NCAPG2: variants seen among roughly 807,000 people sequenced by gnomAD.
The protein encoded by NCAPG2 is non-SMC condensin II complex subunit G2.
A neutral mutation model predicts 141.1 loss-of-function variants in NCAPG2; 53 were observed. That is an observed-to-expected ratio of 0.38 (90% CI 0.30 to 0.47). The LOEUF is 0.47. Ranked by LOEUF, NCAPG2 falls within the 20% of genes least tolerant of loss-of-function variation. The pLI, the probability that NCAPG2 is intolerant of heterozygous loss-of-function variation, is 0.99. For missense variants in NCAPG2, 1,087 were observed against 1,389.0 expected (o/e 0.78, Z 3.46); for synonymous variants, 499 against 490.7 (o/e 1.02, Z -0.22).
intron 24 of NCAPG2, among the ~76,000 whole-genome samples, chr7:158,649,098 C>A (rs1264359983): frequency 6.6e-6 from 1 of 152,150 alleles, no homozygotes; most frequent in Non-Finnish European, 1.5e-5. Context: ...GCTGGTTTGG[C>A]TGTAAAAATA....
At chr7:158,689,585 G>A (rs190502256) in intron 6 of NCAPG2, among the ~76,000 whole-genome samples, 321 of 152,198 alleles carry the variant, frequency 2.1e-3, no homozygotes, top group African/African-American at 5.6e-3. Context: ...ATGTAATTAC[G>A]GTTCCCCTAG....
chr7:158,658,541 C>A, intron 16 of NCAPG2, 133 bp from the exon 17 acceptor site: 2 of 746,580 alleles, frequency 2.7e-6, no homozygotes. Flanking sequence ...TTTCCACGTT[C>A]AAAAGGAAAA....
At chr7:158,655,521 A>G (rs1831848057) in intron 19 of NCAPG2, 66 bp from the exon 20 acceptor site, 45 of 1,333,996 alleles carry the variant, frequency 3.4e-5, no homozygotes, top group Non-Finnish European at 4.6e-5. Flanking sequence ...CCGTACAGCA[A>G]GAACAATGGG....
chr7:158,660,100 A>G (rs1832362631), intron 16 of NCAPG2, among the ~76,000 whole-genome samples: 1 of 151,580 alleles, frequency 6.6e-6, no homozygotes, highest in African/African-American at 2.4e-5. Context: ...AGAGCGAGAA[A>G]AAAAAAAAAA....
chr7:158,672,632 T>C (rs1833815329), intron 12 of NCAPG2, among the ~76,000 whole-genome samples: 2 of 152,148 alleles, frequency 1.3e-5, no homozygotes, highest in South Asian at 4.1e-4. Context: ...TGAGCCATCA[T>C]GCCTGGCCAC....
chr7:158,631,535 A>T lies in NCAPG2; in HGVS notation c.*131T>A, dbSNP rs1829892542. ...TCCTCCATAACCCCCACCTTCCCAC[A>T]TTCCCACAAAAAAATCCCACCCTTT... On this transcript the variant is annotated 3_prime_UTR_variant, in exon 28 of 28. Transcript: ENST00000356309. The T allele has an allele frequency of 5.5e-6, 5 of 906,534 alleles. No homozygotes were observed. Among genetic ancestry groups the T allele is most frequent in the Non-Finnish European group, 8.9e-6 (5 of 563,086 alleles). The allele number at this position is 906,534 out of a possible 1,614,324, so 56.2% of individuals were successfully genotyped here.
intron 27 of NCAPG2, among the ~76,000 whole-genome samples, chr7:158,638,297 G>C (rs1461721818): frequency 6.6e-6 from 1 of 152,178 alleles, no homozygotes. Flanking sequence ...GCCAAGACTG[G>C]AGTGCGGTGG....
At chr7:158,681,868 T>C (rs1834471423) in intron 9 of NCAPG2, among the ~76,000 whole-genome samples, 1 of 152,162 alleles carries the variant, frequency 6.6e-6, no homozygotes, top group African/African-American at 2.4e-5. Flanking sequence ...ATCAACAATG[T>C]TGAGATTTTT....
At chr7:158,668,361 C>G in intron 13 of NCAPG2, 15 of 957,274 alleles carry the variant, frequency 1.6e-5, no homozygotes, top group Non-Finnish European at 1.8e-5. Flanking sequence ...CCTCCGCCCT[C>G]CTTACCCACT....
intron 2 of NCAPG2, among the ~76,000 whole-genome samples, chr7:158,700,680 A>G (rs554123445): frequency 6.6e-6 from 1 of 152,340 alleles, no homozygotes; most frequent in East Asian, 1.9e-4. Flanking sequence ...AACATGTTAT[A>G]AGCTCATTTC....
intron 27 of NCAPG2, among the ~76,000 whole-genome samples, chr7:158,637,131 TA>T (rs1830271328): frequency 6.6e-6 from 1 of 152,074 alleles, no homozygotes. Context: ...ATATTTTTAG[TA>T]GAGACGGGGT....
intron 16 of NCAPG2, among the ~76,000 whole-genome samples, chr7:158,658,683 T>C (rs567707973): frequency 6.6e-6 from 1 of 152,294 alleles, no homozygotes; most frequent in South Asian, 2.1e-4. Context: ...ATCTAGACCC[T>C]GGGAATATGC....
intron 8 of NCAPG2, among the ~76,000 whole-genome samples, chr7:158,685,394 A>C (rs556754477): frequency 9.2e-5 from 14 of 152,348 alleles, no homozygotes; most frequent in Non-Finnish European, 2.1e-4. Context: ...CATTAAAAAC[A>C]GACAAAAGAA....
chr7:158,636,988 C>G (rs1830247518), intron 27 of NCAPG2, among the ~76,000 whole-genome samples: 1 of 151,798 alleles, frequency 6.6e-6, no homozygotes, highest in Non-Finnish European at 1.5e-5. Flanking sequence ...TGCTCTGTCA[C>G]CCAGGCTGGA....
chr7:158,667,414 C>G lies in NCAPG2; in HGVS notation c.1480-2664G>C, dbSNP rs1183178471. Among the ~76,000 whole-genome samples the G allele has an allele frequency of 1.2e-4, 8 of 66,320 alleles. 1 individual carries two copies. The highest frequency in any genetic ancestry group is 2.9e-4 in the Non-Finnish European group (8 of 27,476). The allele number at this position is 66,320 out of a possible 152,430, so 43.5% of individuals were successfully genotyped here. On this transcript the variant is annotated intron_variant, in intron 13 of 27. Transcript: ENST00000356309. ...ACTGGGTCCCTCCGCCCTCCTTACC[C>G]ACTACTGGGTCCCTCCGCCCTCCTT...
chr7:158,649,624 TCCCTTCAA>T (rs1831328992), intron 24 of NCAPG2, among the ~76,000 whole-genome samples: 1 of 152,206 alleles, frequency 6.6e-6, no homozygotes, highest in African/African-American at 2.4e-5. Flanking sequence ...CAAAATGATC[TCCCTTCAA>T]GCTTTAAGGA....
chr7:158,664,889 C>T (rs1435371557), intron 13 of NCAPG2, 139 bp from the exon 14 acceptor site: 1 of 670,714 alleles, frequency 1.5e-6, no homozygotes, highest in African/African-American at 1.8e-5. Flanking sequence ...ATGACTACAC[C>T]AAAATCTGTG....
intron 2 of NCAPG2, among the ~76,000 whole-genome samples, chr7:158,701,305 A>G (rs1835772630): frequency 1.3e-5 from 2 of 152,204 alleles, no homozygotes; most frequent in Admixed American, 6.5e-5. Flanking sequence ...TCTCACTTGT[A>G]GTCAGAGGAA....
At chr7:158,677,525 CAAA>C in intron 11 of NCAPG2, among the ~76,000 whole-genome samples, 9 of 90,404 alleles carry the variant, frequency 1.0e-4, no homozygotes, top group African/African-American at 3.6e-4. Flanking sequence ...AAAAATAAAG[CAAA>C]AAAAAAAAAA....
Sources: gnomAD v4.1 joint callset for allele counts (sites outside exome capture counted in the v4.1 genomes callset) on GRCh38, gnomAD v4.1.1 for gene constraint, MANE v1.5 for transcripts, NCBI Gene and HGNC (gene_info 2026-07-23, HGNC 2026-07-21) for gene names.